ITPR2: variants seen among roughly 807,000 people sequenced by gnomAD.
ITPR2 encodes the protein inositol 1,4,5-trisphosphate receptor type 2, also known as inositol 1,4,5-trisphosphate-gated calcium channel ITPR2.
ITPR2 carries 207 observed loss-of-function variants against 317.1 expected under a neutral mutation model. The ratio of observed to expected loss-of-function variants is 0.65; its 90% CI spans 0.58 to 0.73. The LOEUF is 0.73. Among genes scored for constraint, ITPR2 ranks in the 30% least tolerant of loss-of-function variants. The pLI is 0.00. For missense variants in ITPR2, 2,613 were observed against 3,284.0 expected, an observed-to-expected ratio of 0.80 and a Z score of 4.99; for synonymous variants, 1,156 against 1,149.1, an observed-to-expected ratio of 1.01 and a Z score of -0.12.
intron 39 of ITPR2, among the ~76,000 whole-genome samples, chr12:26,493,736 G>A (rs1591828378): frequency 6.6e-6 from 1 of 152,040 alleles, no homozygotes; most frequent in Admixed American, 6.5e-5. Context: ...AAAGACTGGA[G>A]GACAATGTCT....
At chr12:26,475,195 G>A (rs1942389307) in intron 45 of ITPR2, 101 bp downstream of exon 45, 4 of 1,358,940 alleles carry the variant, frequency 2.9e-6, no homozygotes, top group South Asian at 2.6e-5. Context: ...GGTAAGTGCT[G>A]AATAAATGAA....
chr12:26,373,040 A>G (rs997939543), intron 55 of ITPR2, among the ~76,000 whole-genome samples: 3 of 152,214 alleles, frequency 2.0e-5, no homozygotes, highest in African/African-American at 4.8e-5. Context: ...TGTGGACTGC[A>G]TAACATCAGA....
At chr12:26,339,798 T>C (rs930974906) in intron 56 of ITPR2, among the ~76,000 whole-genome samples, 2 of 152,186 alleles carry the variant, frequency 1.3e-5, no homozygotes, top group African/African-American at 2.4e-5. Context: ...CAATTTTATA[T>C]GATAAAGGGG....
intron 37 of ITPR2, among the ~76,000 whole-genome samples, chr12:26,543,067 T>C (rs1480102362): frequency 6.6e-6 from 1 of 152,202 alleles, no homozygotes; most frequent in Non-Finnish European, 1.5e-5. Context: ...TGTAATGCTC[T>C]ATAAATCTTG....
At chr12:26,414,750 C>G (rs1453374351) in intron 51 of ITPR2, among the ~76,000 whole-genome samples, 3 of 152,112 alleles carry the variant, frequency 2.0e-5, no homozygotes, top group African/African-American at 7.2e-5. Flanking sequence ...TATAGAAATT[C>G]TGAAAGTCAC....
At chr12:26,632,829 G>A (rs1021399126) in intron 21 of ITPR2, among the ~76,000 whole-genome samples, 3 of 152,114 alleles carry the variant, frequency 2.0e-5, no homozygotes, top group African/African-American at 4.8e-5. Flanking sequence ...GTCATCATTC[G>A]TATCATGCAC....
intron 35 of ITPR2, among the ~76,000 whole-genome samples, chr12:26,557,694 GA>G (rs1289165323): frequency 6.6e-6 from 1 of 152,180 alleles, no homozygotes. Flanking sequence ...TATGTGAAAT[GA>G]TATGGTCTTT....
intron 1 of ITPR2, among the ~76,000 whole-genome samples, chr12:26,810,526 G>A (rs1051599837): frequency 6.6e-6 from 1 of 152,144 alleles, no homozygotes. Context: ...TGACTGACTC[G>A]ATTCCAAGAA....
intron 37 of ITPR2, among the ~76,000 whole-genome samples, chr12:26,503,762 T>C (rs529113500): frequency 2.0e-5 from 3 of 152,226 alleles, no homozygotes; most frequent in South Asian, 4.1e-4. Flanking sequence ...TCTTGGCCCA[T>C]AGCAAGTACT....
At chr12:26,766,329 A>G (rs1949719066) in intron 2 of ITPR2, among the ~76,000 whole-genome samples, 1 of 151,906 alleles carries the variant, frequency 6.6e-6, no homozygotes, top group South Asian at 2.1e-4. Context: ...TCCAGGTTTC[A>G]AGTGATATCT....
intron 47 of ITPR2, among the ~76,000 whole-genome samples, chr12:26,437,669 AT>A (rs57635814): frequency 0.43 from 65,963 of 152,122 alleles, 16,525 homozygotes; most frequent in Non-Finnish European, 0.58. Flanking sequence ...ATTGAAAATT[AT>A]TTTAAGATTT....
At chr12:26,484,384 A>C (rs1942615273) in intron 41 of ITPR2, among the ~76,000 whole-genome samples, 1 of 152,122 alleles carries the variant, frequency 6.6e-6, no homozygotes, top group African/African-American at 2.4e-5. Context: ...TAAATGATAT[A>C]ATCATTATGA....
chr12:26,365,489 A>G (rs1938981405), intron 55 of ITPR2, among the ~76,000 whole-genome samples: 1 of 152,194 alleles, frequency 6.6e-6, no homozygotes, highest in Non-Finnish European at 1.5e-5. Flanking sequence ...TTAAGTACAC[A>G]TGACACCCTA....
intron 41 of ITPR2, among the ~76,000 whole-genome samples, chr12:26,484,175 G>GTATA (rs560300027): frequency 8.0e-5 from 12 of 149,878 alleles, no homozygotes; most frequent in African/African-American, 3.0e-4. Flanking sequence ...ACATATATGT[G>GTATA]TATATATATA....
At chr12:26,717,576 A>C (rs1948764085) in intron 5 of ITPR2, among the ~76,000 whole-genome samples, 1 of 152,210 alleles carries the variant, frequency 6.6e-6, no homozygotes, top group Non-Finnish European at 1.5e-5. Flanking sequence ...CTCTATATAC[A>C]GTTAAGGAAA....
intron 1 of ITPR2, among the ~76,000 whole-genome samples, chr12:26,809,091 G>A (rs1390385731): frequency 2.0e-5 from 3 of 152,132 alleles, no homozygotes; most frequent in Admixed American, 2.0e-4. Context: ...CAAAAGGAAA[G>A]GCATCTCCTC....
intron 26 of ITPR2, among the ~76,000 whole-genome samples, chr12:26,617,413 T>C (rs556822760): frequency 8.5e-5 from 13 of 152,078 alleles, no homozygotes; most frequent in Admixed American, 2.0e-4. Flanking sequence ...AAAAATTGAA[T>C]CAGTAGTCAA....
At chr12:26,559,855 A>C (rs577505263) in intron 35 of ITPR2, among the ~76,000 whole-genome samples, 1 of 152,098 alleles carries the variant, frequency 6.6e-6, no homozygotes, top group Non-Finnish European at 1.5e-5. Context: ...TCATATCTCA[A>C]CACAACTGTT....
intron 34 of ITPR2, among the ~76,000 whole-genome samples, chr12:26,573,979 T>A (rs1945220596): frequency 6.6e-6 from 1 of 152,146 alleles, no homozygotes; most frequent in African/African-American, 2.4e-5. Flanking sequence ...CCATGTCCGA[T>A]GATGGTAGAT....
Sources: gnomAD v4.1 joint callset for allele counts (sites outside exome capture counted in the v4.1 genomes callset) on GRCh38, gnomAD v4.1.1 for gene constraint, MANE v1.5 for transcripts, NCBI Gene and HGNC (gene_info 2026-07-23, HGNC 2026-07-21) for gene names.